Variants in BTBD9 observed in about 807,000 individuals in gnomAD.
The protein encoded by BTBD9 is BTB/POZ domain-containing protein 9.
In BTBD9, 49 loss-of-function variants were observed where a neutral mutation model predicts 64.3. The observed-to-expected ratio is 0.76, with a 90% CI of 0.61 to 0.97. BTBD9 has a LOEUF of 0.97. Among genes scored for constraint, BTBD9 ranks in the 50% least tolerant of loss-of-function variants. The pLI, the probability that BTBD9 is intolerant of heterozygous loss-of-function variation, is 0.00. For missense variants in BTBD9, 598 were observed against 762.1 expected (o/e 0.78, Z 2.53); for synonymous variants, 260 against 274.7 (o/e 0.95, Z 0.53).
intron 8 of BTBD9, among the ~76,000 whole-genome samples, 196 bp downstream of exon 8, chr6:38,288,076 C>T (rs941381633): frequency 6.6e-6 from 1 of 152,110 alleles, no homozygotes; most frequent in Non-Finnish European, 1.5e-5. Context: ...AGTGTACTGC[C>T]CCAGTGGAAA....
At chr6:38,536,616 T>C (rs1050200027) in intron 6 of BTBD9, among the ~76,000 whole-genome samples, 14 of 152,236 alleles carry the variant, frequency 9.2e-5, no homozygotes, top group Middle Eastern at 3.4e-3. Context: ...GAAAGTGAGG[T>C]ACACAGTGGA....
At chr6:38,437,311 G>A (rs1423774365) in intron 6 of BTBD9, among the ~76,000 whole-genome samples, 1 of 152,106 alleles carries the variant, frequency 6.6e-6, no homozygotes, top group African/African-American at 2.4e-5. Flanking sequence ...TAGAGAAGCG[G>A]GGTGGTCCTA....
At chr6:38,434,693 TGA>T (rs1268147657) in intron 6 of BTBD9, among the ~76,000 whole-genome samples, 1 of 152,000 alleles carries the variant, frequency 6.6e-6, no homozygotes, top group East Asian at 1.9e-4. Flanking sequence ...AACAAAAGAC[TGA>T]ATTCAAATTC....
chr6:38,371,399 CTT>C (rs560127980), intron 6 of BTBD9, among the ~76,000 whole-genome samples: 124 of 152,304 alleles, frequency 8.1e-4, no homozygotes, highest in African/African-American at 2.7e-3. Context: ...GCTAAGAACA[CTT>C]AGGATTACCA....
At chr6:38,559,579 C>A (rs1046520860) in intron 6 of BTBD9, among the ~76,000 whole-genome samples, 1 of 152,054 alleles carries the variant, frequency 6.6e-6, no homozygotes, top group Non-Finnish European at 1.5e-5. Context: ...AAAAACTGTT[C>A]TAAAATTCAC....
intron 6 of BTBD9, among the ~76,000 whole-genome samples, chr6:38,436,933 A>G (rs80151400): frequency 2.6e-5 from 4 of 152,302 alleles, no homozygotes; most frequent in African/African-American, 7.2e-5. Context: ...TCATAGGAAT[A>G]TGTATATGTG....
intron 8 of BTBD9, among the ~76,000 whole-genome samples, chr6:38,271,005 A>G (rs1765180604): frequency 6.6e-6 from 1 of 152,168 alleles, no homozygotes; most frequent in Non-Finnish European, 1.5e-5. Flanking sequence ...TCCTTTTTCA[A>G]GTCTATTTTT....
chr6:38,614,278 A>T lies in BTBD9; in HGVS notation c.-27-16157T>A, dbSNP rs755516795. Among the ~76,000 whole-genome samples the T allele has an allele frequency of 3.2e-4, 48 of 152,266 alleles. 1 individual carries two copies. Among genetic ancestry groups the T allele is most frequent in the Non-Finnish European group, 3.7e-4 (25 of 68,026 alleles). On this transcript the variant is annotated intron_variant, in intron 1 of 10. Transcript: ENST00000481247. ...CTGTTCCCCCATCACCGCCCCTATC[A>T]TACCTTGCTATGATTTTGTTACGGA...
At chr6:38,534,091 A>G (rs534022822) in intron 6 of BTBD9, among the ~76,000 whole-genome samples, 1 of 152,212 alleles carries the variant, frequency 6.6e-6, no homozygotes, top group African/African-American at 2.4e-5. Flanking sequence ...GATGAAACAA[A>G]GACTTGGTTT....
In BTBD9 at chr6:38,265,014, G is replaced by C. The variant is rs758474317; in HGVS notation, c.1455-8498C>G. On this transcript the variant is annotated intron_variant, in intron 8 of 10. Transcript: ENST00000481247. ...TGCATTAGTCAAAGGACATCAGAGA[G>C]TCTACCTACTGTCTCATAATGTTTA... Among the ~76,000 whole-genome samples, 183 of 152,124 alleles carry C rather than the reference G, an allele frequency of 1.2e-3. 2 individuals are homozygous for C. Among genetic ancestry groups the C allele is most frequent in the Non-Finnish European group, 1.0e-3 (69 of 68,020 alleles).
chr6:38,633,059 G>A (rs1778415196), intron 1 of BTBD9, among the ~76,000 whole-genome samples: 1 of 152,160 alleles, frequency 6.6e-6, no homozygotes, highest in Non-Finnish European at 1.5e-5. Context: ...CAGCACTGGG[G>A]CCATTAATTA....
chr6:38,394,088 G>A (rs1404256554), intron 6 of BTBD9, among the ~76,000 whole-genome samples: 1 of 152,094 alleles, frequency 6.6e-6, no homozygotes, highest in South Asian at 2.1e-4. Flanking sequence ...TATTTACTGA[G>A]AACCTATGAT....
chr6:38,318,193 C>A (rs1450579980), intron 7 of BTBD9, among the ~76,000 whole-genome samples: 1 of 152,122 alleles, frequency 6.6e-6, no homozygotes, highest in South Asian at 2.1e-4. Context: ...CTGTGCCCAG[C>A]CAAAACAGCT....
chr6:38,205,385 G>C (rs1293557826), intron 9 of BTBD9, among the ~76,000 whole-genome samples: 3 of 152,092 alleles, frequency 2.0e-5, no homozygotes, highest in Non-Finnish European at 4.4e-5. Context: ...AAGCAACACT[G>C]GGGGTGAGAA....
Position 38,417,762 on chromosome 6 carries a change from C to T in BTBD9, c.1155-72669G>A, listed in dbSNP as rs1582396061. 2.5e-5 allele frequency among the ~76,000 whole-genome samples: 3 copies of T among 119,794 alleles called. No homozygotes were observed. The Middle Eastern group carries it at 0.011, about 440-fold the overall frequency. 78.6% of individuals were successfully genotyped at this position (119,794 alleles called of 152,430 possible). A position where few individuals can be genotyped will look rare whatever the true frequency, so the allele number is the denominator to read the frequency against. ...CATTCCAGCCTAGGTGACAGAGCAA[C>T]ACCCTGTCTCGAGGAGAGAGAGAGA... On this transcript the variant is annotated intron_variant, in intron 6 of 10. Transcript: ENST00000481247.
chr6:38,326,191 G>A (rs1446329947), intron 7 of BTBD9, among the ~76,000 whole-genome samples: 1 of 152,174 alleles, frequency 6.6e-6, no homozygotes, highest in African/African-American at 2.4e-5. Flanking sequence ...TAAGGAGAGG[G>A]TGAGGGGCAT....
chr6:38,255,488 T>TA (rs1053720193), intron 9 of BTBD9, among the ~76,000 whole-genome samples: 1 of 152,122 alleles, frequency 6.6e-6, no homozygotes, highest in African/African-American at 2.4e-5. Context: ...CCTTGCCTCT[T>TA]AGAGATTCTG....
intron 6 of BTBD9, among the ~76,000 whole-genome samples, chr6:38,450,147 G>T (rs938702767): frequency 6.6e-5 from 10 of 152,152 alleles, no homozygotes; most frequent in Non-Finnish European, 1.5e-4. Context: ...TAAGTTAAAT[G>T]AAATAAGCCA....
chr6:38,214,175 C>T (rs1262404369), intron 9 of BTBD9, among the ~76,000 whole-genome samples: 1 of 152,214 alleles, frequency 6.6e-6, no homozygotes, highest in Non-Finnish European at 1.5e-5. Context: ...TCCAAGGCCC[C>T]TCACTCCCCA....
Sources: gnomAD v4.1 joint callset for allele counts (sites outside exome capture counted in the v4.1 genomes callset) on GRCh38, gnomAD v4.1.1 for gene constraint, MANE v1.5 for transcripts, NCBI Gene and HGNC (gene_info 2026-07-23, HGNC 2026-07-21) for gene names.